Variants in ELMO2 observed in about 807,000 individuals in gnomAD.
ELMO2 encodes engulfment and cell motility protein 2.
A neutral mutation model predicts 96.2 loss-of-function variants in ELMO2; 37 were observed. The observed-to-expected ratio is 0.38, with a 90% CI of 0.30 to 0.51. ELMO2 has a LOEUF of 0.51. Ranked by LOEUF, ELMO2 falls within the 20% of genes least tolerant of loss-of-function variation. ELMO2 has a pLI of 0.88. For synonymous variants in ELMO2, 315 were observed against 329.4 expected (o/e 0.96, Z 0.47); for missense variants, 561 against 912.6 (o/e 0.61, Z 4.96).
chr20:46,400,276 C>T (rs187378552), intron 1 of ELMO2, among the ~76,000 whole-genome samples: 87 of 152,300 alleles, frequency 5.7e-4, no homozygotes, highest in African/African-American at 1.9e-3. Flanking sequence ...TTCTCCCTAT[C>T]GAAAAGAAAC....
chr20:46,393,391 C>T (rs1298758321), intron 5 of ELMO2, 138 bp downstream of exon 5: 2 of 1,055,614 alleles, frequency 1.9e-6, no homozygotes, highest in Non-Finnish European at 2.8e-6. Context: ...CTGGTGTTTC[C>T]CAGTCTGTCC....
rs921845114 is a variant in ELMO2, at chr20:46,373,266, C to T, written c.1416+133G>A. The T allele has an allele frequency of 1.6e-5, 20 of 1,250,676 alleles. 1 individual carries two copies. The Admixed American group carries it at 4.2e-4, about 26-fold the overall frequency. 77.5% of individuals were successfully genotyped at this position (1,250,676 alleles called of 1,614,324 possible). On this transcript the variant is annotated intron_variant, in intron 16 of 21. Transcript: ENST00000290246. Reference sequence around the variant, plus strand: ...ATGGGGCTGAGGCTCCCCAGTGCCTCAGTCTTGTGACTCAGTTCTGCAGAC... The same window carrying T: ...ATGGGGCTGAGGCTCCCCAGTGCCTTAGTCTTGTGACTCAGTTCTGCAGAC...
Position 46,367,308 on chromosome 20 carries a change from C to T in ELMO2, c.*52G>A, listed in dbSNP as rs1271275289. 1 of 1,406,722 alleles carries T rather than the reference C, an allele frequency of 7.1e-7. No individual in the cohort carries two copies. Among genetic ancestry groups the T allele is most frequent in the East Asian group, 2.7e-5 (1 of 37,150 alleles). The allele number at this position is 1,406,722 out of a possible 1,614,324, so 87.1% of individuals were successfully genotyped here. Reference sequence around the variant, plus strand: ...ACAAGGCACCAGAATGTAAGTGTTTCTCCTGGGCCCAAAATCCCTTCTCCT... The same window carrying T: ...ACAAGGCACCAGAATGTAAGTGTTTTTCCTGGGCCCAAAATCCCTTCTCCT... On this transcript the variant is annotated 3_prime_UTR_variant, in exon 22 of 22. Transcript: ENST00000290246.
Position 46,375,890 on chromosome 20 carries a change from C to G in ELMO2, c.808-100G>C. 3.4e-6 allele frequency: 5 copies of G among 1,482,100 alleles called. No homozygotes were observed. The highest frequency in any genetic ancestry group is 3.7e-6 in the Non-Finnish European group (4 of 1,088,558). 91.8% of individuals were successfully genotyped at this position (1,482,100 alleles called of 1,614,324 possible). A position where few individuals can be genotyped will look rare whatever the true frequency, so the allele number is the denominator to read the frequency against. ...AAAGGAATGTATGTTGGGAAGGGAA[C>G]AGAGCTTTCCTCCCACACACGAGGA... On this transcript the variant is annotated intron_variant, in intron 11 of 21. Coordinates refer to ENST00000290246, the MANE Select transcript of ELMO2 (RefSeq NM_133171.5). This position sits in a 1 kb window ranked among gnomAD's most constrained non-coding sequence, Gnocchi z 4.6.
intron 10 of ELMO2, among the ~76,000 whole-genome samples, chr20:46,381,717 T>C (rs1338642532): frequency 6.6e-6 from 1 of 152,166 alleles, no homozygotes; most frequent in African/African-American, 2.4e-5. Context: ...TCCCCTTTCA[T>C]CTCCTCGCAA....
rs2059691415 is a variant in ELMO2 at position 46,371,018 on chromosome 20, G to A, written c.1801+334C>T. On this transcript the variant is annotated intron_variant, in intron 19 of 21. Transcript: ENST00000290246. The surrounding 1 kb of genome is among the most constrained non-coding windows in gnomAD (Gnocchi z 5.9). ...GAAACCAAGGCAGAGGGGAGAACTT[G>A]CAATTAATTAGAATTCAAGTTAATT... 6.6e-6 allele frequency among the ~76,000 whole-genome samples: 1 copy of A among 152,192 alleles called. No individual in the cohort carries two copies. Among genetic ancestry groups the A allele is most frequent in the African/African-American group, 2.4e-5 (1 of 41,430 alleles).
chr20:46,396,016 A>G, intron 2 of ELMO2, among the ~76,000 whole-genome samples: 1 of 152,256 alleles, frequency 6.6e-6, no homozygotes, highest in East Asian at 1.9e-4. Flanking sequence ...CCTTTGAGCC[A>G]GCCTCAACTT....
At chr20:46,396,626 T>C (rs1367188341) in intron 2 of ELMO2, among the ~76,000 whole-genome samples, 1 of 152,242 alleles carries the variant, frequency 6.6e-6, no homozygotes, top group Non-Finnish European at 1.5e-5. Context: ...AACTATACGA[T>C]ATGACTTTTT....
intron 9 of ELMO2, among the ~76,000 whole-genome samples, chr20:46,384,508 A>G (rs77029912): frequency 0.041 from 6,184 of 151,740 alleles, 440 homozygotes; most frequent in African/African-American, 0.14. Context: ...ATGTTCCCCT[A>G]TCATCCCTAG....
chr20:46,402,548 G>A (rs553399274), intron 1 of ELMO2, among the ~76,000 whole-genome samples: 16 of 152,234 alleles, frequency 1.1e-4, no homozygotes, highest in Non-Finnish European at 2.2e-4. Flanking sequence ...AGAAAACCGT[G>A]ATTGCACAAG....
chr20:46,373,532 T>C lies in ELMO2; in HGVS notation c.1283A>G (p.Asn428Ser). 1 of 1,613,966 alleles carries C rather than the reference T, an allele frequency of 6.2e-7. No individual in the cohort carries two copies. The highest frequency in any genetic ancestry group is 8.5e-7 in the Non-Finnish European group (1 of 1,179,868). ...CGGGTGGTAGTCATTGCGTCCTTCA[T>C]TTGCTGTGGAAGTGAAAAAACAGGG... Reference protein sequence around the residue: ...CEILQVGELPNEGRNDYHPMF... With the variant: ...CEILQVGELPSEGRNDYHPMF... Residue 428 changes from asparagine to serine, a missense_variant, in exon 16 of 22, where the codon AAT (asparagine) becomes AGT (serine). Transcript: ENST00000290246.
chr20:46,388,300 A>G (rs1339531161), intron 7 of ELMO2, among the ~76,000 whole-genome samples: 1 of 152,232 alleles, frequency 6.6e-6, no homozygotes, highest in African/African-American at 2.4e-5. Context: ...GGAAGATCCA[A>G]TATGTAAAAC....
At chr20:46,394,379 C>G (rs1430412365) in intron 3 of ELMO2, 26 bp downstream of exon 3, 1 of 1,613,428 alleles carries the variant, frequency 6.2e-7, no homozygotes, top group Non-Finnish European at 8.5e-7. Flanking sequence ...TTCCTTGAAC[C>G]ACTGCTTCTC....
chr20:46,388,917 G>GCT, intron 7 of ELMO2, 122 bp downstream of exon 7: 3 of 954,462 alleles, frequency 3.1e-6, no homozygotes, highest in Non-Finnish European at 4.7e-6. Context: ...TTGGCACACT[G>GCT]CTCTGCACAC....
intron 2 of ELMO2, among the ~76,000 whole-genome samples, chr20:46,396,262 C>T (rs1284530858): frequency 1.3e-5 from 2 of 152,210 alleles, no homozygotes; most frequent in African/African-American, 4.8e-5. Context: ...GTGGCGCCAT[C>T]AATCTCTGGA....
chr20:46,389,065 C>T lies in ELMO2; in HGVS notation c.399G>A (p.Val133=). The stretch of plus-strand genomic sequence containing the variant: ...GGGACAAGAGCTTGGTTCCACTTTC[C>T]ACGAGCCTTGTCAGCACAATGATGC... The part of the protein sequence containing the change: ...MDGIIVLTRL[V]ESGTKLLSHY... The change falls in exon 7 of 22, where the codon GTG becomes GTA. Residue 133 remains valine (V), a synonymous_variant. Transcript: ENST00000290246. The T allele has an allele frequency of 6.2e-7, 1 of 1,613,966 alleles. No homozygotes were observed. The highest frequency in any genetic ancestry group is 1.7e-5 in the Admixed American group (1 of 60,000).
Position 46,371,960 on chromosome 20 carries a change from C to T in ELMO2, c.1426G>A (p.Val476Ile). 6.2e-7 allele frequency: 1 copy of T among 1,613,796 alleles called. No individual in the cohort carries two copies. Among genetic ancestry groups the T allele is most frequent in the Non-Finnish European group, 8.5e-7 (1 of 1,180,032 alleles). Residue 476 changes from valine (V) to isoleucine (I), a missense_variant, in exon 17 of 22, where the codon GTC (valine) becomes ATC (isoleucine). Coordinates refer to ENST00000290246, the MANE Select transcript of ELMO2 (RefSeq NM_133171.5). The surrounding 1 kb of genome is among the most constrained non-coding windows in gnomAD (Gnocchi z 5.9). ...TAEDFNKVMQ[V>I]VREQITRALP... ...GCTCGAGTGATTTGCTCTCGGACGACTTGCATAACCTAAGAGGAGAAGAAC... is the reference window on the plus strand; with the variant it reads ...GCTCGAGTGATTTGCTCTCGGACGATTTGCATAACCTAAGAGGAGAAGAAC...
chr20:46,377,265 A>C (rs773784692), intron 11 of ELMO2, among the ~76,000 whole-genome samples: 1 of 152,240 alleles, frequency 6.6e-6, no homozygotes, highest in African/African-American at 2.4e-5. Context: ...TGTCTTATTA[A>C]TAATATTTCA....
Position 46,370,430 on chromosome 20 carries a change from CCT to C in ELMO2, c.1884+11_1884+12del. On this transcript the variant is annotated intron_variant, in intron 20 of 21. Coordinates refer to ENST00000290246, the MANE Select transcript of ELMO2 (RefSeq NM_133171.5). ...TCACTGGGCCAGCTACTCAAACTGGCCTCTCTACTCACCTTGTTCTGTTTCAG... is the reference window on the plus strand; with the variant it reads ...TCACTGGGCCAGCTACTCAAACTGGCCTCTACTCACCTTGTTCTGTTTCAG... 1 of 1,613,776 alleles carries C rather than the reference CCT, an allele frequency of 6.2e-7. No individual in the cohort carries two copies. The highest frequency in any genetic ancestry group is 8.5e-7 in the Non-Finnish European group (1 of 1,179,668).
Sources: gnomAD v4.1 joint callset for allele counts (sites outside exome capture counted in the v4.1 genomes callset) on GRCh38, gnomAD v4.1.1 for gene constraint, Gnocchi (gnomAD v3.1) non-coding constraint, MANE v1.5 for transcripts, NCBI Gene and HGNC (gene_info 2026-07-23, HGNC 2026-07-21) for gene names.